Variants in ATP7A observed in about 807,000 individuals in gnomAD.
ATP7A encodes the protein ATPase copper transporting alpha, also known as copper-transporting ATPase 1.
ATP7A carries 7 observed loss-of-function variants against 83.5 expected under a neutral mutation model. That is an observed-to-expected ratio of 0.08 (90% CI 0.05 to 0.16). The LOEUF (loss-of-function observed/expected upper bound fraction) is 0.16. ATP7A is among the 10% of genes least tolerant of loss of function. The pLI, the probability that ATP7A is intolerant of heterozygous loss-of-function variation, is 1.00. For synonymous variants in ATP7A, 354 were observed against 395.2 expected, an observed-to-expected ratio of 0.90 and a Z score of 1.24; for missense variants, 940 against 1,120.8, an observed-to-expected ratio of 0.84 and a Z score of 2.30.
chrX:78,029,316 G>A lies in ATP7A; in HGVS notation c.2983G>A (p.Val995Ile). The change falls in exon 15 of 23, where the codon GTT (valine) becomes ATT (isoleucine). Residue 995 changes from valine to isoleucine, a missense_variant. Coordinates refer to ENST00000341514, the MANE Select transcript of ATP7A (RefSeq NM_000052.7). ...ATTTGCTTTCCAAGCCTCTATCACA[G>A]TTCTGTGTATTGCATGTCCCTGTTC... Reference protein sequence around the residue: ...IRFAFQASITVLCIACPCSLG... With the variant: ...IRFAFQASITILCIACPCSLG... 8.3e-7 allele frequency: 1 copy of A among 1,210,992 alleles called. No homozygotes were observed. The highest frequency in any genetic ancestry group is 1.1e-6 in the Non-Finnish European group (1 of 894,865).
intron 1 of ATP7A, among the ~76,000 whole-genome samples, chrX:77,944,765 G>T (rs782568239): frequency 7.2e-5 from 8 of 110,747 alleles, no homozygotes; most frequent in Non-Finnish European, 1.5e-4. Context: ...GCCAGTGAAA[G>T]TGACTTAGCT....
At chrX:77,948,182 A>G (rs1269123426) in intron 1 of ATP7A, among the ~76,000 whole-genome samples, 1 of 108,623 alleles carries the variant, frequency 9.2e-6, no homozygotes, top group African/African-American at 3.4e-5. Context: ...GCTGGAGTGC[A>G]GTTGCACGAT....
chrX:77,977,672 A>G (rs1411950582), intron 2 of ATP7A, among the ~76,000 whole-genome samples: 2 of 112,489 alleles, frequency 1.8e-5, no homozygotes, highest in Non-Finnish European at 3.7e-5. Flanking sequence ...TTAAGGTCAA[A>G]CAAATGCAAT....
At chrX:78,007,492 A>T (rs2077784581) in intron 6 of ATP7A, among the ~76,000 whole-genome samples, 1 of 110,908 alleles carries the variant, frequency 9.0e-6, no homozygotes, top group African/African-American at 3.3e-5. Context: ...TGCCCGGCTA[A>T]TTTTTTGTAT....
chrX:77,929,721 G>T (rs2077261794), intron 1 of ATP7A, among the ~76,000 whole-genome samples: 1 of 107,805 alleles, frequency 9.3e-6, no homozygotes, highest in African/African-American at 3.4e-5. Context: ...TCCCGCTTTG[G>T]CCTCCCAAAT....
intron 2 of ATP7A, among the ~76,000 whole-genome samples, chrX:77,981,100 G>T (rs2077603222): frequency 9.0e-6 from 1 of 111,623 alleles, no homozygotes; most frequent in East Asian, 2.8e-4. Flanking sequence ...CTTAGATATT[G>T]TTCCACATCA....
intron 4 of ATP7A, among the ~76,000 whole-genome samples, chrX:77,994,862 C>T (rs1273583293): frequency 7.2e-5 from 8 of 111,460 alleles, no homozygotes; most frequent in African/African-American, 2.3e-4. Flanking sequence ...TTAACAATGT[C>T]TTTTACCTCA....
At chrX:77,911,736 G>A (rs1367682628) in intron 1 of ATP7A, among the ~76,000 whole-genome samples, 1 of 110,725 alleles carries the variant, frequency 9.0e-6, no homozygotes, top group African/African-American at 3.3e-5. Flanking sequence ...CTGAGGTCAG[G>A]AGATCGAGAC....
intron 9 of ATP7A, among the ~76,000 whole-genome samples, chrX:78,012,335 C>T (rs184400577): frequency 2.7e-5 from 3 of 111,566 alleles, no homozygotes; most frequent in Non-Finnish European, 5.6e-5. Flanking sequence ...CCAACAAAAA[C>T]GGCCAACAGA....
intron 4 of ATP7A, among the ~76,000 whole-genome samples, chrX:77,997,811 T>G (rs2077714017): frequency 9.0e-6 from 1 of 110,971 alleles, no homozygotes; most frequent in South Asian, 3.8e-4. Flanking sequence ...TGCTGACTTA[T>G]TCCTTGCCTC....
At chrX:77,999,234 T>A (rs1477063438) in intron 5 of ATP7A, among the ~76,000 whole-genome samples, 1 of 110,656 alleles carries the variant, frequency 9.0e-6, no homozygotes, top group Non-Finnish European at 1.9e-5. Context: ...TGGCATCAGG[T>A]GATCCACCCA....
In ATP7A at chrX:78,046,889, A is replaced by G. The variant is rs1557239216; in HGVS notation, c.*319A>G. On this transcript the variant is annotated 3_prime_UTR_variant, in exon 23 of 23. Coordinates refer to ENST00000341514, the MANE Select transcript of ATP7A (RefSeq NM_000052.7). ...AAAGTGATTTTTTTTTTATTTGACC[A>G]AAAAAAAAAAGGCCCAAGAAGAAGA... is the stretch of plus-strand genomic sequence containing the variant. The G allele has an allele frequency of 1.2e-5, 1 of 82,912 alleles. No homozygotes were observed. Among genetic ancestry groups the G allele is most frequent in the Non-Finnish European group, 2.2e-5 (1 of 46,033 alleles). The allele number at this position is 82,912 out of a possible 1,213,427, so 6.8% of individuals were successfully genotyped here.
intron 2 of ATP7A, among the ~76,000 whole-genome samples, chrX:77,985,564 GT>G (rs1192489804): frequency 9.0e-6 from 1 of 111,464 alleles, no homozygotes. Flanking sequence ...GCCCTGTCTG[GT>G]AGGACTAACC....
At position 77,998,510 on chromosome X, in the gene ATP7A, C is replaced by G. The variant is rs2077718777; in HGVS notation, c.1369C>G (p.Pro457Ala). ...TGAGCCGTTGGTAGTAATAGCTCAGCCTTCATCGGAAATGCCGCTTTTGAC... is the reference window on the plus strand; with the variant it reads ...TGAGCCGTTGGTAGTAATAGCTCAGGCTTCATCGGAAATGCCGCTTTTGAC... ...TNEPLVVIAQ[P>A]SSEMPLLTST... Residue 457 changes from proline to alanine, a missense_variant, in exon 5 of 23, where the codon CCT becomes GCT. Physicochemically the swap from Pro to Ala is conservative, Grantham distance 27. This residue lies in a region of ATP7A where 350 missense variants were observed against 432.8 expected (regional missense o/e 0.81). Transcript: ENST00000341514. 1.7e-6 allele frequency: 2 copies of G among 1,209,979 alleles called. No homozygotes were observed. The highest frequency in any genetic ancestry group is 2.2e-6 in the Non-Finnish European group (2 of 895,193).
chrX:78,042,643 A>G lies in ATP7A; in HGVS notation c.3860A>G (p.Lys1287Arg). 8.3e-7 allele frequency: 1 copy of G among 1,211,988 alleles called. No homozygotes were observed. The highest frequency in any genetic ancestry group is 1.8e-5 in the South Asian group (1 of 56,979). Residue 1287 changes from lysine to arginine, a missense_variant, in exon 20 of 23, where the codon AAG becomes AGG. Lys to Arg is a conservative substitution (Grantham distance 26). This residue lies in a region of ATP7A where 386 missense variants were observed against 502.2 expected (regional missense o/e 0.77). Transcript: ENST00000341514. ...CCTTCTCACAAGGTTGCTAAAGTGA[A>G]GCAACTTCAAGAGGAGGGGAAACGG... ...VLPSHKVAKV[K>R]QLQEEGKRVA...
chrX:78,008,991 G>A (rs981075507), intron 6 of ATP7A, 111 bp from the exon 7 acceptor site: 12 of 842,798 alleles, frequency 1.4e-5, no homozygotes, highest in Non-Finnish European at 1.9e-5. Context: ...ATTCCAGCCT[G>A]GGCGACAGAG....
At chrX:77,973,295 A>G (rs1292624845) in intron 2 of ATP7A, among the ~76,000 whole-genome samples, 1 of 111,777 alleles carries the variant, frequency 8.9e-6, no homozygotes, top group Admixed American at 9.5e-5. Flanking sequence ...TTTCACTACA[A>G]GAGAGTTGAA....
intron 1 of ATP7A, among the ~76,000 whole-genome samples, chrX:77,916,636 G>A (rs1557222565): frequency 9.0e-6 from 1 of 111,268 alleles, no homozygotes; most frequent in African/African-American, 3.3e-5. Context: ...TACTGAATAA[G>A]TTGTGATACA....
At chrX:78,013,159 T>TG (rs1557234767) in intron 10 of ATP7A, 47 bp downstream of exon 10, 2 of 1,090,658 alleles carry the variant, frequency 1.8e-6, no homozygotes. Context: ...GGTGGATAAA[T>TG]GACCTTAGTA....
Sources: allele counts gnomAD v4.1 joint callset (sites outside exome capture counted in the v4.1 genomes callset), GRCh38; gene constraint gnomAD v4.1.1; regional missense constraint gnomAD v4.1.1; transcripts MANE v1.5; gene names NCBI Gene and HGNC (gene_info 2026-07-23, HGNC 2026-07-21).